The following CARMIL2 variants were observed in gnomAD, a reference collection of about 807,000 sequenced individuals.
CARMIL2 encodes capping protein regulator and myosin 1 linker 2, also known as capping protein, Arp2/3 and myosin-I linker protein 2.
CARMIL2 carries 96 observed loss-of-function variants against 173.3 expected under a neutral mutation model. The observed-to-expected ratio is 0.55, with a 90% CI of 0.47 to 0.66. CARMIL2 has a LOEUF of 0.66. Among genes scored for constraint, CARMIL2 ranks in the 30% least tolerant of loss-of-function variants. The pLI, the probability that CARMIL2 is intolerant of heterozygous loss-of-function variation, is 0.00. For synonymous variants in CARMIL2, 830 were observed against 817.1 expected, an observed-to-expected ratio of 1.02 and a Z score of -0.27; for missense variants, 1,771 against 1,906.7, an observed-to-expected ratio of 0.93 and a Z score of 1.33.
rs1159963216 is a variant in CARMIL2 at position 67,651,925 on chromosome 16, A to T, written c.2593A>T (p.Met865Leu). ...LQDAFTRLRD[M>L]RLSITGTLAE... ...CCTGTCCTCTCCTGCCCTTAGGGAC[A>T]TGCGGCTATCAATCACGGGGACCTT... Residue 865 changes from methionine (M) to leucine (L), a missense_variant, in exon 26 of 38, where the codon ATG (methionine) becomes TTG (leucine). Coordinates refer to ENST00000334583, the MANE Select transcript of CARMIL2 (RefSeq NM_001013838.3). The surrounding 1 kb of genome is among the most constrained non-coding windows in gnomAD (Gnocchi z 4.2). 1 of 1,613,442 alleles carries T rather than the reference A, an allele frequency of 6.2e-7. No individual in the cohort carries two copies.
At chr16:67,654,118 C>A in intron 29 of CARMIL2, 31 bp from the exon 30 acceptor site, 1 of 1,313,620 alleles carries the variant, frequency 7.6e-7, no homozygotes, top group Non-Finnish European at 1.1e-6. Flanking sequence ...TTGCACTCAA[C>A]CCTGACCCCT....
Position 67,647,114 on chromosome 16 carries a change from A to G in CARMIL2, c.612-2A>G, listed in dbSNP as rs1401026839. ...CTGCCTCTGTTCCCACCCTCCCACC[A>G]GGGACCTGGCCTTGAGTGTGGCTGC... On this transcript the variant is annotated splice_acceptor_variant, in intron 8 of 37. Transcript: ENST00000334583. LOFTEE classifies it high-confidence loss of function. 1 of 1,613,572 alleles carries G rather than the reference A, an allele frequency of 6.2e-7. No homozygotes were observed.
chr16:67,652,174 C>G lies in CARMIL2; in HGVS notation c.2677-25C>G. On this transcript the variant is annotated intron_variant, in intron 26 of 37. Transcript: ENST00000334583. The surrounding 1 kb of genome is among the most constrained non-coding windows in gnomAD (Gnocchi z 4.7). Reference sequence around the variant, plus strand: ...GGATCATGGCTGAGGCCCTACCTGCCATCTTTGGCTGCTTGGTATTGCAGG... The same window carrying G: ...GGATCATGGCTGAGGCCCTACCTGCGATCTTTGGCTGCTTGGTATTGCAGG... 6.2e-7 allele frequency: 1 copy of G among 1,608,440 alleles called. No individual in the cohort carries two copies. Among genetic ancestry groups the G allele is most frequent in the Non-Finnish European group, 8.5e-7 (1 of 1,177,948 alleles).
chr16:67,652,372 C>G lies in CARMIL2; in HGVS notation c.2817+33C>G, dbSNP rs773913455. Reference sequence around the variant, plus strand: ...GTTTTAGAACACGGGGCATGGCACTCCCAGTCTTCCCATCTTGCTGTGGAG... The same window carrying G: ...GTTTTAGAACACGGGGCATGGCACTGCCAGTCTTCCCATCTTGCTGTGGAG... On this transcript the variant is annotated intron_variant, in intron 27 of 37. Coordinates refer to ENST00000334583, the MANE Select transcript of CARMIL2 (RefSeq NM_001013838.3). The surrounding 1 kb of genome is among the most constrained non-coding windows in gnomAD (Gnocchi z 4.7). The G allele has an allele frequency of 2.5e-6, 4 of 1,612,136 alleles. No individual in the cohort carries two copies. Among genetic ancestry groups the G allele is most frequent in the African/African-American group, 1.3e-5 (1 of 74,894 alleles).
chr16:67,654,551 G>A lies in CARMIL2; in HGVS notation c.3441G>A (p.Glu1147=). Residue 1147 remains glutamate (E), a synonymous_variant, in exon 31 of 38, where the codon GAG becomes GAA. Transcript: ENST00000334583. ...RPPTRPSRGE[E]LGGAEGDTSS... is the part of the protein sequence containing the mutation. ...CAACCCGTCCCAGCCGTGGTGAGGAGCTTGGTGGGGCTGAGGGGGACACCA... is the reference window on the plus strand; with the variant it reads ...CAACCCGTCCCAGCCGTGGTGAGGAACTTGGTGGGGCTGAGGGGGACACCA... The A allele has an allele frequency of 3.1e-6, 5 of 1,611,936 alleles. No individual in the cohort carries two copies. Among genetic ancestry groups the A allele is most frequent in the Non-Finnish European group, 4.2e-6 (5 of 1,179,390 alleles).
chr16:67,646,792 T>C lies in CARMIL2; in HGVS notation c.537+8T>C, dbSNP rs769594832. On this transcript the variant is annotated splice_region_variant and intron_variant, in intron 7 of 37. Coordinates refer to ENST00000334583, the MANE Select transcript of CARMIL2 (RefSeq NM_001013838.3). The surrounding 1 kb of genome is among the most constrained non-coding windows in gnomAD (Gnocchi z 4.6). ...CGAGAGGAGATTCAGTGGGTGAGGG[T>C]AGGGCCCTTTTGAAGGGCTCTGGAG... 4 of 1,613,810 alleles carry C rather than the reference T, an allele frequency of 2.5e-6. No individual in the cohort carries two copies. The highest frequency in any genetic ancestry group is 1.1e-5 in the South Asian group (1 of 91,068).
Position 67,648,255 on chromosome 16 carries a change from C to T in CARMIL2, c.1275C>T (p.Ser425=), listed in dbSNP as rs770914700. The T allele has an allele frequency of 3.1e-6, 5 of 1,600,168 alleles. No homozygotes were observed. Among genetic ancestry groups the T allele is most frequent in the African/African-American group, 1.3e-5 (1 of 74,606 alleles). The change falls in exon 14 of 38, where the codon TCC becomes TCT. Residue 425 remains serine (S), a synonymous_variant. Transcript: ENST00000334583. The surrounding 1 kb of genome is among the most constrained non-coding windows in gnomAD (Gnocchi z 6.1). ...SLPPQLFAAV[S]RGCCTSLTHL... ...CCCCGCAGCTCTTCGCAGCGGTATC[C>T]CGAGGCTGCTGCACCAGCCTTACCC...
intron 32 of CARMIL2, 25 bp from the exon 33 acceptor site, chr16:67,656,006 A>C (rs758508894): frequency 3.8e-6 from 6 of 1,576,714 alleles, no homozygotes; most frequent in South Asian, 2.3e-5. Flanking sequence ...GCAGGGCTGG[A>C]ATCTGATTGC....
chr16:67,648,546 C>G lies in CARMIL2; in HGVS notation c.1439+44C>G, dbSNP rs1597747753. On this transcript the variant is annotated intron_variant, in intron 15 of 37. Transcript: ENST00000334583. The surrounding 1 kb of genome is among the most constrained non-coding windows in gnomAD (Gnocchi z 6.1). ...CCACGCCCCCGCGGGCGCTCCCACC[C>G]TGCCCTGGCCTTCGCCCCTCCCCGC... The G allele has an allele frequency of 2.1e-6, 3 of 1,459,836 alleles. No individual in the cohort carries two copies. Among genetic ancestry groups the G allele is most frequent in the East Asian group, 5.1e-5 (2 of 39,576 alleles). The allele number at this position is 1,459,836 out of a possible 1,614,324, so 90.4% of individuals were successfully genotyped here.
chr16:67,650,251 G>A, intron 22 of CARMIL2, 101 bp downstream of exon 22: 1 of 985,588 alleles, frequency 1.0e-6, no homozygotes, highest in Admixed American at 2.1e-5. Context: ...TGGGGCCAGG[G>A]TGCCTGAGCC....
Position 67,654,410 on chromosome 16 carries a change from C to T in CARMIL2, c.3300C>T (p.Thr1100=), listed in dbSNP as rs1328762700. The change falls in exon 31 of 38, where the codon ACC becomes ACT. Residue 1100 remains threonine (T), a synonymous_variant. Coordinates refer to ENST00000334583, the MANE Select transcript of CARMIL2 (RefSeq NM_001013838.3). ...GTACACTGCGAAAGAAGCTGGGCAC[C>T]CTCTTTGCCTTCAAGAAGCCTCGTT... ...VPRTLRKKLG[T]LFAFKKPRST... 13 of 1,610,678 alleles carry T rather than the reference C, an allele frequency of 8.1e-6. No homozygotes were observed. Among genetic ancestry groups the T allele is most frequent in the African/African-American group, 1.3e-5 (1 of 74,866 alleles).
At chr16:67,655,955 TAAG>T (rs1342645925) in intron 32 of CARMIL2, 73 bp from the exon 33 acceptor site, 3 of 1,526,112 alleles carry the variant, frequency 2.0e-6, no homozygotes, top group African/African-American at 1.4e-5. Flanking sequence ...GGCAGGATTA[TAAG>T]AACAAGAACG....
chr16:67,645,483 G>T, intron 1 of CARMIL2, 57 bp from the exon 2 acceptor site: 1 of 1,473,970 alleles, frequency 6.8e-7, no homozygotes, highest in Middle Eastern at 1.8e-4. Flanking sequence ...ACAGACTGTG[G>T]GCACCAGTGG....
chr16:67,657,453 TCCAGC>T lies in CARMIL2; in HGVS notation c.4246_4250del (p.Ser1416Ter), dbSNP rs2052888508. The T allele has an allele frequency of 1.2e-6, 2 of 1,610,450 alleles. No individual in the cohort carries two copies. The highest frequency in any genetic ancestry group is 1.3e-5 in the African/African-American group (1 of 74,646). Reference sequence around the variant, plus strand: ...TCTGCCCCCACAGCCCACAGAGCCCTCCAGCCCTGAGCGGAGCCCACCCTCCCCAG... The same window carrying T: ...TCTGCCCCCACAGCCCACAGAGCCCTCCTGAGCGGAGCCCACCCTCCCCAG... On this transcript the variant is annotated frameshift_variant, in exon 38 of 38. Transcript: ENST00000334583. LOFTEE classifies it high-confidence loss of function. The surrounding 1 kb of genome is among the most constrained non-coding windows in gnomAD (Gnocchi z 4.5).
At chr16:67,656,687 GGCTGGAGGAGTTCCT>G in intron 35 of CARMIL2, 42 bp downstream of exon 35, 1 of 1,575,696 alleles carries the variant, frequency 6.3e-7, no homozygotes, top group Non-Finnish European at 8.6e-7. Context: ...CTGGCCTCGG[GGCTGGAGGAGTTCCT>G]GCTGGGAACT....
intron 35 of CARMIL2, 29 bp downstream of exon 35, chr16:67,656,674 A>G (rs1418631274): frequency 1.3e-6 from 2 of 1,572,620 alleles, no homozygotes; most frequent in Non-Finnish European, 1.7e-6. Context: ...CCCCACCCCA[A>G]TCCTGGCCTC....
In CARMIL2 at chr16:67,653,327, G is replaced by T. The variant is rs2052766811; in HGVS notation, c.3120+73G>T. On this transcript the variant is annotated intron_variant, in intron 29 of 37. Transcript: ENST00000334583. The surrounding 1 kb of genome is among the most constrained non-coding windows in gnomAD (Gnocchi z 7.4). ...GGTGGCCCGGCCGCTCCTCATGGGT[G>T]GTAGCGGTCAAGGAGAGGGGGTGGT... 2.6e-6 allele frequency: 2 copies of T among 763,292 alleles called. No individual in the cohort carries two copies. The highest frequency in any genetic ancestry group is 6.1e-5 in the South Asian group (1 of 16,374). 47.3% of individuals were successfully genotyped at this position (763,292 alleles called of 1,614,324 possible). A position where few individuals can be genotyped will look rare whatever the true frequency, so the allele number is the denominator to read the frequency against.
rs1206480325 is a variant in CARMIL2 at position 67,652,791 on chromosome 16, G to A, written c.2885-228G>A. 1.3e-5 allele frequency among the ~76,000 whole-genome samples: 2 copies of A among 151,734 alleles called. No individual in the cohort carries two copies. Among genetic ancestry groups the A allele is most frequent in the Non-Finnish European group, 2.9e-5 (2 of 67,854 alleles). On this transcript the variant is annotated intron_variant, in intron 28 of 37. Coordinates refer to ENST00000334583, the MANE Select transcript of CARMIL2 (RefSeq NM_001013838.3). This position sits in a 1 kb window ranked among gnomAD's most constrained non-coding sequence, Gnocchi z 4.7. ...CCCCGCGCCCCTTTCCCTACCCCAG[G>A]GACGCGCATGCTGGGCGGCGGCGCG...
At position 67,653,800 on chromosome 16, in the gene CARMIL2, T is replaced by G. The variant is rs2052776354; in HGVS notation, c.3121-349T>G. 6.6e-6 allele frequency among the ~76,000 whole-genome samples: 1 copy of G among 151,782 alleles called. No individual in the cohort carries two copies. Among genetic ancestry groups the G allele is most frequent in the Non-Finnish European group, 1.5e-5 (1 of 67,908 alleles). On this transcript the variant is annotated intron_variant, in intron 29 of 37. Coordinates refer to ENST00000334583, the MANE Select transcript of CARMIL2 (RefSeq NM_001013838.3). This position sits in a 1 kb window ranked among gnomAD's most constrained non-coding sequence, Gnocchi z 7.4. ...GGAGTGGGGGTGGGGTGGGGGACAC[T>G]GCAGGGAACTGTTCGGAGCAGAGCT...
Sources: gnomAD v4.1 joint callset for allele counts (sites outside exome capture counted in the v4.1 genomes callset) on GRCh38, gnomAD v4.1.1 for gene constraint, Gnocchi (gnomAD v3.1) non-coding constraint, MANE v1.5 for transcripts, NCBI Gene and HGNC (gene_info 2026-07-23, HGNC 2026-07-21) for gene names.